STK4: variants seen among roughly 807,000 people sequenced by gnomAD.
STK4 encodes the protein serine/threonine kinase 4.
Under a neutral mutation model 64.9 loss-of-function variants are expected in STK4, and 30 were observed. The observed-to-expected ratio is 0.46, with a 90% CI of 0.35 to 0.63. The LOEUF (loss-of-function observed/expected upper bound fraction) is 0.63. Among genes scored for constraint, STK4 ranks in the 20% least tolerant of loss-of-function variants. The probability of loss-of-function intolerance (pLI) is 0.01; values close to 1 mark genes in which losing one functional copy is unlikely to be tolerated. For synonymous variants in STK4, 177 were observed against 199.0 expected (o/e 0.89, Z 0.93); for missense variants, 466 against 598.5 (o/e 0.78, Z 2.31).
intron 10 of STK4, among the ~76,000 whole-genome samples, chr20:45,026,732 T>C (rs920574126): frequency 2.0e-5 from 3 of 152,180 alleles, no homozygotes; most frequent in African/African-American, 7.2e-5. Context: ...ATAGGAGAAC[T>C]GTAGCGTTTC....
intron 10 of STK4, among the ~76,000 whole-genome samples, chr20:45,043,817 G>A (rs895525051): frequency 1.1e-4 from 17 of 152,166 alleles, no homozygotes; most frequent in African/African-American, 4.1e-4. Flanking sequence ...TACTTCACCT[G>A]TAGTCACTTC....
chr20:44,987,356 T>A, intron 5 of STK4, 60 bp downstream of exon 5: 3 of 1,467,874 alleles, frequency 2.0e-6, no homozygotes, highest in Non-Finnish European at 2.8e-6. Context: ...AGCAGTTCCT[T>A]TTATTTACCT....
chr20:44,968,577 T>C (rs2067193302), intron 1 of STK4, among the ~76,000 whole-genome samples: 1 of 152,264 alleles, frequency 6.6e-6, no homozygotes, highest in African/African-American at 2.4e-5. Flanking sequence ...TTCTGAACTA[T>C]GTTCGTTCGT....
chr20:45,012,039 ATT>A (rs1295816943), intron 9 of STK4, among the ~76,000 whole-genome samples: 3 of 142,292 alleles, frequency 2.1e-5, no homozygotes, highest in Non-Finnish European at 3.1e-5. Flanking sequence ...TCCGATACAA[ATT>A]TTTTTTTTTT....
At chr20:44,992,074 T>C (rs899696292) in intron 5 of STK4, among the ~76,000 whole-genome samples, 1 of 152,010 alleles carries the variant, frequency 6.6e-6, no homozygotes, top group African/African-American at 2.4e-5. Flanking sequence ...AGTTTACTAG[T>C]TGTCTTTTAA....
rs376692103 is a variant in STK4, at chr20:45,044,348, C to T, written c.1305+19218C>T. Among the ~76,000 whole-genome samples, 14 of 152,168 alleles carry T rather than the reference C, an allele frequency of 9.2e-5. No individual in the cohort carries two copies. In the East Asian group the frequency reaches 1.5e-3, roughly 17 times the overall value. ...GAATGATAAAATTATTGAACCAGGC[C>T]GGGTGAATGATAAAATTACCGAACC... is the stretch of plus-strand genomic sequence containing the variant. On this transcript the variant is annotated intron_variant, in intron 10 of 10. Transcript: ENST00000372806.
chr20:45,012,692 T>C (rs1375893308), intron 9 of STK4, among the ~76,000 whole-genome samples: 2 of 152,132 alleles, frequency 1.3e-5, no homozygotes, highest in African/African-American at 4.8e-5. Context: ...TAACAGGTTT[T>C]ATGGAGATTG....
At chr20:44,984,723 G>A (rs1030913358) in intron 4 of STK4, among the ~76,000 whole-genome samples, 2 of 151,990 alleles carry the variant, frequency 1.3e-5, no homozygotes, top group African/African-American at 2.4e-5. Context: ...TGATGACATG[G>A]TGGAGTGATA....
rs1333483723 is a variant in STK4, at chr20:44,995,185, C to CT, written c.622dup (p.Trp208LeufsTer12). ...TTGGATACAACTGTGTAGCAGACAT[C>CT]TGGTCCCTGGGAATAACTGCCATAG... On this transcript the variant is annotated frameshift_variant, in exon 6 of 11. Transcript: ENST00000372806. LOFTEE classifies it high-confidence loss of function. 1.2e-6 allele frequency: 2 copies of CT among 1,613,760 alleles called. No individual in the cohort carries two copies. The highest frequency in any genetic ancestry group is 1.7e-6 in the Non-Finnish European group (2 of 1,179,894).
At chr20:45,050,943 G>A (rs118159217) in intron 10 of STK4, among the ~76,000 whole-genome samples, 134 of 151,998 alleles carry the variant, frequency 8.8e-4, no homozygotes, top group Admixed American at 1.2e-3. Flanking sequence ...GGTAGCAATC[G>A]AGCTTTATAT....
intron 10 of STK4, among the ~76,000 whole-genome samples, chr20:45,068,219 C>T (rs1409608371): frequency 6.6e-6 from 1 of 152,186 alleles, no homozygotes; most frequent in East Asian, 1.9e-4. Flanking sequence ...CGTATAGAAC[C>T]CGGTCCATCT....
rs1390574914 is a variant in STK4, at chr20:45,077,230, C to A, written c.*2054C>A. The A allele has an allele frequency of 6.6e-6, 1 of 152,164 alleles. No individual in the cohort carries two copies. Among genetic ancestry groups the A allele is most frequent in the Non-Finnish European group, 1.5e-5 (1 of 68,020 alleles). 9.4% of individuals were successfully genotyped at this position (152,164 alleles called of 1,614,324 possible). Reference sequence around the variant, plus strand: ...AAGCCTGTTTAAAATGAAGTGACCACCTTTTCTTGCATAGACTAAATAACT... The same window carrying A: ...AAGCCTGTTTAAAATGAAGTGACCAACTTTTCTTGCATAGACTAAATAACT... On this transcript the variant is annotated 3_prime_UTR_variant, in exon 11 of 11. Transcript: ENST00000372806.
In STK4 at chr20:44,978,496, C is replaced by G; in HGVS notation, c.170C>G (p.Ala57Gly). 1 of 1,614,124 alleles carries G rather than the reference C, an allele frequency of 6.2e-7. No homozygotes were observed. The highest frequency in any genetic ancestry group is 8.5e-7 in the Non-Finnish European group (1 of 1,180,002). Residue 57 changes from alanine (A) to glycine (G), a missense_variant, in exon 3 of 11, where the codon GCT (alanine) becomes GGT (glycine). Coordinates refer to ENST00000372806, the MANE Select transcript of STK4 (RefSeq NM_006282.5). ...AIHKETGQIV[A>G]IKQVPVESDL... ...CATAAAGAGACCGGCCAGATTGTTG[C>G]TATTAAGCAAGTTCCTGTGGAATCA... is the stretch of plus-strand genomic sequence containing the variant.
intron 3 of STK4, among the ~76,000 whole-genome samples, chr20:44,980,553 T>G (rs2067418661): frequency 1.3e-5 from 2 of 152,268 alleles, no homozygotes; most frequent in Admixed American, 1.3e-4. Flanking sequence ...CTGAACATTT[T>G]TTCTTTATAA....
intron 2 of STK4, chr20:44,972,764 C>T (rs1490715222): frequency 6.6e-6 from 1 of 151,968 alleles, no homozygotes; most frequent in African/African-American, 2.4e-5. Context: ...TAATTCAATC[C>T]TGTGTATTTA....
chr20:45,010,670 C>G (rs2068029005), intron 9 of STK4, among the ~76,000 whole-genome samples: 1 of 152,118 alleles, frequency 6.6e-6, no homozygotes, highest in Non-Finnish European at 1.5e-5. Context: ...TGTTCTGAAT[C>G]ATTAGATTAT....
At chr20:44,986,015 T>G (rs2067524647) in intron 4 of STK4, among the ~76,000 whole-genome samples, 1 of 152,212 alleles carries the variant, frequency 6.6e-6, no homozygotes, top group South Asian at 2.1e-4. Context: ...AGATCAGATA[T>G]TCTATACTAG....
chr20:44,995,381 G>A, intron 6 of STK4, 124 bp downstream of exon 6: 7 of 1,178,382 alleles, frequency 5.9e-6, no homozygotes, highest in Non-Finnish European at 8.0e-6. Flanking sequence ...TGAGGTGGAT[G>A]GATCACCAGA....
intron 10 of STK4, among the ~76,000 whole-genome samples, chr20:45,033,034 A>AT (rs1025962403): frequency 2.8e-4 from 43 of 152,098 alleles, no homozygotes; most frequent in African/African-American, 9.9e-4. Flanking sequence ...GATGTTGAGT[A>AT]TTTTTTTCAC....
Sources: gnomAD v4.1 joint callset for allele counts (sites outside exome capture counted in the v4.1 genomes callset) on GRCh38, gnomAD v4.1.1 for gene constraint, MANE v1.5 for transcripts, NCBI Gene and HGNC (gene_info 2026-07-23, HGNC 2026-07-21) for gene names.